Variants in MSI2 observed in about 807,000 individuals in gnomAD.
MSI2 encodes musashi RNA binding protein 2.
Under a neutral mutation model 45.6 loss-of-function variants are expected in MSI2, and 17 were observed. The ratio of observed to expected loss-of-function variants is 0.37; its 90% CI spans 0.26 to 0.56. The LOEUF is 0.56. MSI2 is among the 20% of genes least tolerant of loss of function. MSI2 has a pLI of 0.77. For synonymous variants in MSI2, 156 were observed against 158.2 expected, an observed-to-expected ratio of 0.99 and a Z score of 0.11; for missense variants, 293 against 444.2, an observed-to-expected ratio of 0.66 and a Z score of 3.06.
chr17:57,309,270 G>T, intron 5 of MSI2, among the ~76,000 whole-genome samples: 1 of 152,226 alleles, frequency 6.6e-6, no homozygotes, highest in East Asian at 1.9e-4. Flanking sequence ...TAAGGAACTT[G>T]TAAGCATTTC....
At chr17:57,481,795 G>T (rs1465355204) in intron 6 of MSI2, among the ~76,000 whole-genome samples, 1 of 152,160 alleles carries the variant, frequency 6.6e-6, no homozygotes, top group African/African-American at 2.4e-5. Context: ...CATAGCTATC[G>T]GCTTGAGTAC....
intron 5 of MSI2, among the ~76,000 whole-genome samples, chr17:57,395,025 A>G (rs973324269): frequency 6.6e-6 from 1 of 152,210 alleles, no homozygotes; most frequent in Admixed American, 6.5e-5. Context: ...TGGAGGCTCC[A>G]TGGGAAAAAC....
intron 11 of MSI2, among the ~76,000 whole-genome samples, chr17:57,653,180 C>T (rs1396325120): frequency 2.6e-5 from 4 of 152,182 alleles, no homozygotes; most frequent in Non-Finnish European, 5.9e-5. Context: ...AGAACCCACA[C>T]CCTGGGTGAT....
chr17:57,541,059 G>A lies in MSI2; in HGVS notation c.454+11335G>A, dbSNP rs59618318. On this transcript the variant is annotated intron_variant, in intron 7 of 13. Coordinates refer to ENST00000284073, the MANE Select transcript of MSI2 (RefSeq NM_138962.4). ...GACCTTTCATGCAACTGAGAACACA[G>A]CCCCCGAAGCCTGACTTGGTTCACA... Among the ~76,000 whole-genome samples the A allele has an allele frequency of 8.8e-3, 1,344 of 152,186 alleles. 21 individuals are homozygous for A. The highest frequency in any genetic ancestry group is 0.031 in the African/African-American group (1,275 of 41,508).
intron 7 of MSI2, among the ~76,000 whole-genome samples, chr17:57,571,909 A>T (rs1258765859): frequency 6.6e-6 from 1 of 152,082 alleles, no homozygotes; most frequent in Non-Finnish European, 1.5e-5. Flanking sequence ...CCCTCTCTGC[A>T]AATGCCCACT....
intron 6 of MSI2, among the ~76,000 whole-genome samples, chr17:57,509,989 G>A (rs970275060): frequency 6.6e-6 from 1 of 152,036 alleles, no homozygotes; most frequent in African/African-American, 2.4e-5. Flanking sequence ...GTCTGTTTCA[G>A]CTTGCCTCTT....
chr17:57,562,631 GT>G (rs1567901391), intron 7 of MSI2, among the ~76,000 whole-genome samples: 1 of 151,828 alleles, frequency 6.6e-6, no homozygotes, highest in East Asian at 1.9e-4. Flanking sequence ...AAAATACTAT[GT>G]TGGGAAAAAA....
At chr17:57,498,252 C>T (rs982380982) in intron 6 of MSI2, among the ~76,000 whole-genome samples, 3 of 152,240 alleles carry the variant, frequency 2.0e-5, no homozygotes, top group African/African-American at 7.2e-5. Context: ...GGAAAAAAAT[C>T]TCAATACCCC....
At chr17:57,571,572 G>A (rs1003537715) in intron 7 of MSI2, among the ~76,000 whole-genome samples, 6 of 152,176 alleles carry the variant, frequency 3.9e-5, no homozygotes, top group African/African-American at 1.4e-4. Context: ...TGGATTCGTG[G>A]TGTGGTCAAC....
intron 6 of MSI2, among the ~76,000 whole-genome samples, chr17:57,461,863 C>G (rs1022519205): frequency 1.3e-5 from 2 of 152,178 alleles, no homozygotes; most frequent in Non-Finnish European, 2.9e-5. Flanking sequence ...TCTGCATAAA[C>G]TTTCTTCTCT....
At chr17:57,260,240 C>A (rs1648807937) in intron 4 of MSI2, among the ~76,000 whole-genome samples, 1 of 151,962 alleles carries the variant, frequency 6.6e-6, no homozygotes, top group African/African-American at 2.4e-5. Context: ...TTAACTTGAC[C>A]CTTCCTCTCC....
intron 5 of MSI2, among the ~76,000 whole-genome samples, chr17:57,362,151 G>A (rs982220037): frequency 1.3e-5 from 2 of 152,200 alleles, no homozygotes; most frequent in African/African-American, 4.8e-5. Flanking sequence ...CCAGTGGTGG[G>A]CAGTATCTTT....
intron 5 of MSI2, among the ~76,000 whole-genome samples, chr17:57,313,756 T>C (rs2143622501): frequency 6.6e-6 from 1 of 152,304 alleles, no homozygotes; most frequent in South Asian, 2.1e-4. Context: ...TATAAGGTGC[T>C]AGGCACAGAG....
At chr17:57,467,094 T>G (rs1454128491) in intron 6 of MSI2, among the ~76,000 whole-genome samples, 1 of 152,244 alleles carries the variant, frequency 6.6e-6, no homozygotes, top group East Asian at 1.9e-4. Flanking sequence ...TGAGAAGGTC[T>G]CTGGGTAGCC....
At chr17:57,501,105 T>C (rs1014769493) in intron 6 of MSI2, among the ~76,000 whole-genome samples, 18 of 152,220 alleles carry the variant, frequency 1.2e-4, no homozygotes, top group African/African-American at 4.3e-4. Flanking sequence ...TTCTATTAAC[T>C]GGGGTTCAGA....
At chr17:57,380,952 G>A (rs1359421510) in intron 5 of MSI2, among the ~76,000 whole-genome samples, 2 of 152,088 alleles carry the variant, frequency 1.3e-5, no homozygotes, top group Non-Finnish European at 2.9e-5. Context: ...GTCCTGGCCT[G>A]GAATTCTGGC....
intron 6 of MSI2, among the ~76,000 whole-genome samples, chr17:57,500,892 G>A (rs541091332): frequency 6.6e-6 from 1 of 151,664 alleles, no homozygotes; most frequent in Non-Finnish European, 1.5e-5. Context: ...GAGTCCAGGA[G>A]GTCAAGGCTG....
chr17:57,597,981 G>GT (rs1905427984), intron 8 of MSI2, among the ~76,000 whole-genome samples: 1 of 152,200 alleles, frequency 6.6e-6, no homozygotes, highest in Non-Finnish European at 1.5e-5. Flanking sequence ...TTGGGAAGTC[G>GT]TGTAGGCCTC....
chr17:57,261,633 G>C (rs1489519422), intron 4 of MSI2, among the ~76,000 whole-genome samples: 1 of 152,110 alleles, frequency 6.6e-6, no homozygotes, highest in Non-Finnish European at 1.5e-5. Context: ...GGAGTTTTTG[G>C]ATGTTGTTGA....
Sources: gnomAD v4.1 joint callset for allele counts (sites outside exome capture counted in the v4.1 genomes callset) on GRCh38, gnomAD v4.1.1 for gene constraint, MANE v1.5 for transcripts, NCBI Gene and HGNC (gene_info 2026-07-23, HGNC 2026-07-21) for gene names.